C4orf50: variants seen among roughly 807,000 people sequenced by gnomAD.
The protein encoded by C4orf50 is chromosome 4 open reading frame 50.
Under a neutral mutation model 77.2 loss-of-function variants are expected in C4orf50, and 80 were observed. That is an observed-to-expected ratio of 1.04 (90% confidence interval 0.87 to 1.25). C4orf50 has a LOEUF of 1.25. C4orf50 is among the 50% of genes most tolerant of loss of function. The pLI is 0.00. For synonymous variants in C4orf50, 532 were observed against 465.3 expected, an observed-to-expected ratio of 1.14 and a Z score of -1.84; for missense variants, 1,257 against 1,152.9, an observed-to-expected ratio of 1.09 and a Z score of -1.31.
At chr4:5,955,638 C>A (rs1029315717), downstream of C4orf50, among the ~76,000 whole-genome samples, 7 of 152,170 alleles carry the variant, frequency 4.6e-5, no homozygotes, top group Non-Finnish European at 8.8e-5. This position sits in a 1 kb window ranked among gnomAD's most constrained non-coding sequence, Gnocchi z 5.1. Context: ...CACTTCTCAG[C>A]GCCTCACCAG....
intron 28 of C4orf50, among the ~76,000 whole-genome samples, chr4:5,985,666 GTAAA>G (rs1720818372): frequency 6.6e-6 from 1 of 152,004 alleles, no homozygotes; most frequent in Admixed American, 6.6e-5. Flanking sequence ...AGAAAAAATA[GTAAA>G]TAAATAAAAT....
chr4:5,990,303 T>A, exon 28 of C4orf50: 1 of 1,077,372 alleles, frequency 9.3e-7, no homozygotes, highest in Non-Finnish European at 1.2e-6. Flanking sequence ...TTTCCTGACT[T>A]AGCTGGTACT....
chr4:5,950,287 C>CA (rs1284130038), intron 7 of C4orf50, among the ~76,000 whole-genome samples: 2 of 152,096 alleles, frequency 1.3e-5, no homozygotes, highest in Admixed American at 1.3e-4. Context: ...AAGGAGTCGT[C>CA]ATTTGTTTGA....
rs1026021902 is a variant in C4orf50 at position 5,993,476 on chromosome 4, C to T, written c.1094-546G>A. Reference sequence around the variant, plus strand: ...CCAGTTGGCCGCCGTGGCTGTCAGGCTCCCTGAGTGCAGGGGCTCTGGAAG... The same window carrying T: ...CCAGTTGGCCGCCGTGGCTGTCAGGTTCCCTGAGTGCAGGGGCTCTGGAAG... On this transcript the variant is annotated intron_variant, in intron 26 of 33. Coordinates refer to ENST00000531445, the Ensembl canonical transcript of C4orf50. Among the ~76,000 whole-genome samples, 4 of 152,204 alleles carry T rather than the reference C, an allele frequency of 2.6e-5. 1 individual carries two copies. Among genetic ancestry groups the T allele is most frequent in the East Asian group, 3.9e-4 (2 of 5,184 alleles).
intron 33 of C4orf50, among the ~76,000 whole-genome samples, chr4:5,960,549 G>C (rs1015921483): frequency 1.9e-4 from 29 of 152,196 alleles, no homozygotes; most frequent in African/African-American, 7.0e-4. Context: ...GCAGGGAATC[G>C]GCGATCACTA....
chr4:5,983,025 G>C (rs1234354938), intron 28 of C4orf50, among the ~76,000 whole-genome samples: 2 of 152,172 alleles, frequency 1.3e-5, no homozygotes, highest in African/African-American at 2.4e-5. Flanking sequence ...AAGCCACAGA[G>C]GGTTTTCGGT....
In C4orf50 at chr4:5,970,842, G is replaced by A. The variant is rs527584487; in HGVS notation, c.4104+2817C>T. On this transcript the variant is annotated intron_variant, in intron 31 of 33. Transcript: ENST00000531445. The surrounding 1 kb of genome is among the most constrained non-coding windows in gnomAD (Gnocchi z 4.3). ...GACATGCTGAGGCTCAGGGTCCCCC[G>A]TGGAGCCTAGCAGCAGGATGCTGGG... Among the ~76,000 whole-genome samples the A allele has an allele frequency of 1.4e-4, 22 of 152,292 alleles. No homozygotes were observed. The highest frequency in any genetic ancestry group is 3.6e-4 in the African/African-American group (15 of 41,570).
rs1381155382 is a variant in C4orf50, at chr4:6,018,141, C to T, written c.287+4G>A. 3 of 398,676 alleles carry T rather than the reference C, an allele frequency of 7.5e-6. No individual in the cohort carries two copies. Among genetic ancestry groups the T allele is most frequent in the Non-Finnish European group, 1.3e-5 (3 of 226,082 alleles). 24.7% of individuals were successfully genotyped at this position (398,676 alleles called of 1,614,324 possible). A position where few individuals can be genotyped will look rare whatever the true frequency, so the allele number is the denominator to read the frequency against. On this transcript the variant is annotated splice_donor_region_variant and intron_variant, in intron 23 of 33. Coordinates refer to ENST00000531445, the Ensembl canonical transcript of C4orf50. The surrounding 1 kb of genome is among the most constrained non-coding windows in gnomAD (Gnocchi z 5.1). Reference sequence around the variant, plus strand: ...ACACAGAGAGATCAAAATGGCATCGCTACCTGCTTCTCAGCCCGGACTCCG... The same window carrying T: ...ACACAGAGAGATCAAAATGGCATCGTTACCTGCTTCTCAGCCCGGACTCCG...
chr4:5,959,446 G>A (rs1005723457), exon 34 of C4orf50: 9 of 1,614,116 alleles, frequency 5.6e-6, no homozygotes, highest in Non-Finnish European at 6.8e-6. Context: ...AGCTCTTGGT[G>A]AAAAGCCAGG....
At chr4:5,939,980 G>A (rs989113636) in intron 7 of C4orf50, among the ~76,000 whole-genome samples, 2 of 152,156 alleles carry the variant, frequency 1.3e-5, no homozygotes, top group East Asian at 3.9e-4. Context: ...AAACACCCTC[G>A]GATCATGCTA....
Position 5,997,889 on chromosome 4 carries a change from G to A in C4orf50, c.964-3413C>T, listed in dbSNP as rs184425699. 1.9e-3 allele frequency among the ~76,000 whole-genome samples: 286 copies of A among 152,244 alleles called. 1 individual carries two copies. The highest frequency in any genetic ancestry group is 3.3e-3 in the Non-Finnish European group (226 of 68,022). On this transcript the variant is annotated intron_variant, in intron 25 of 33. Coordinates refer to ENST00000531445, the Ensembl canonical transcript of C4orf50. ...TTTTTATAGCTAACTAATATTCTCT[G>A]CTATAAGGGAGAGGAAAAAAGGGAG...
intron 25 of C4orf50, among the ~76,000 whole-genome samples, chr4:5,996,425 C>A (rs139400367): frequency 6.6e-6 from 1 of 152,138 alleles, no homozygotes. Flanking sequence ...AAACCCCCGC[C>A]GGCCTCACTG....
At chr4:5,979,667 G>C (rs377620914) in intron 29 of C4orf50, among the ~76,000 whole-genome samples, 1 of 152,226 alleles carries the variant, frequency 6.6e-6, no homozygotes, top group Non-Finnish European at 1.5e-5. Flanking sequence ...CTGGGCTGGA[G>C]TGTACCTTGA....
intron 7 of C4orf50, among the ~76,000 whole-genome samples, chr4:5,918,880 C>G (rs565930922): frequency 6.6e-6 from 1 of 152,152 alleles, no homozygotes; most frequent in African/African-American, 2.4e-5. Flanking sequence ...AATGGAGTCT[C>G]CTGGCGGGGG....
At chr4:5,911,006 C>T (rs192027222) in intron 7 of C4orf50, among the ~76,000 whole-genome samples, 26 of 149,234 alleles carry the variant, frequency 1.7e-4, no homozygotes, top group African/African-American at 4.2e-4. Flanking sequence ...CCCGGGTTCA[C>T]GCCATTCTCC....
chr4:5,955,841 T>C (rs1258769464), downstream of C4orf50, among the ~76,000 whole-genome samples: 1 of 152,174 alleles, frequency 6.6e-6, no homozygotes, highest in East Asian at 1.9e-4. The surrounding 1 kb of genome is among the most constrained non-coding windows in gnomAD (Gnocchi z 5.1). Flanking sequence ...TGCAGGGCCC[T>C]GTCTGTGATG....
chr4:5,989,125 C>T (rs1397623895), exon 28 of C4orf50: 2 of 1,536,042 alleles, frequency 1.3e-6, no homozygotes, highest in Non-Finnish European at 1.7e-6. Flanking sequence ...CCGCTCGAGC[C>T]TGGATATTTT....
intron 32 of C4orf50, among the ~76,000 whole-genome samples, chr4:5,966,745 G>T (rs1346768971): frequency 1.3e-5 from 2 of 151,382 alleles, no homozygotes; most frequent in East Asian, 3.9e-4. Flanking sequence ...CGTCTCCCAG[G>T]TTCCAGCCAT....
chr4:5,989,395 G>A lies in C4orf50; in HGVS notation c.2651C>T (p.Thr884Met), dbSNP rs542243666. ...AGGAACTTCGCTGGTGCCCAGGGCCGTGGTCTTTCCCGGCTTATCACCTTC... is the reference window on the plus strand; with the variant it reads ...AGGAACTTCGCTGGTGCCCAGGGCCATGGTCTTTCCCGGCTTATCACCTTC... The change falls in exon 28 of 34, where the codon ACG (threonine) becomes ATG (methionine). Residue 884 changes from threonine (T) to methionine (M), a missense_variant. Transcript: ENST00000531445. The A allele has an allele frequency of 1.8e-3, 2,830 of 1,536,112 alleles. 5 individuals carry two copies. The highest frequency in any genetic ancestry group is 2.3e-3 in the Non-Finnish European group (2,583 of 1,146,914).
Sources: allele counts gnomAD v4.1 joint callset (sites outside exome capture counted in the v4.1 genomes callset), GRCh38; gene constraint gnomAD v4.1.1; non-coding constraint Gnocchi (gnomAD v3.1); transcripts MANE v1.5; gene names NCBI Gene and HGNC (gene_info 2026-07-23, HGNC 2026-07-21).